SPATA45: variants seen among roughly 807,000 people sequenced by gnomAD.
The protein encoded by SPATA45 is spermatogenesis-associated protein 45.
SPATA45 carries 5 observed loss-of-function variants against 7.0 expected under a neutral mutation model. That is an observed-to-expected ratio of 0.71 (90% CI 0.37 to 1.50). The LOEUF (loss-of-function observed/expected upper bound fraction) is 1.50, where lower values mean the gene tolerates loss of function less well. SPATA45 is among the 40% of genes most tolerant of loss of function. SPATA45 has a pLI of 0.03. For missense variants in SPATA45, 111 were observed against 114.9 expected, an observed-to-expected ratio of 0.97 and a Z score of 0.16; for synonymous variants, 40 against 38.7, an observed-to-expected ratio of 1.03 and a Z score of -0.13.
chr1:212,843,116 C>CACACAA (rs1343720054), intron 1 of SPATA45, among the ~76,000 whole-genome samples: 2 of 147,824 alleles, frequency 1.4e-5, no homozygotes, highest in Non-Finnish European at 3.0e-5. Flanking sequence ...CACACACACA[C>CACACAA]ACACACACAC....
intron 1 of SPATA45, among the ~76,000 whole-genome samples, chr1:212,836,763 C>A (rs1267461334): frequency 2.0e-5 from 3 of 151,480 alleles, no homozygotes; most frequent in Non-Finnish European, 4.4e-5. Flanking sequence ...ATTCTCCTGC[C>A]TCAGCTTCCT....
rs750269718 is a variant in SPATA45, at chr1:212,836,186, T to C, written c.-37A>G. 8.5e-6 allele frequency: 13 copies of C among 1,532,162 alleles called. No individual in the cohort carries two copies. The highest frequency in any genetic ancestry group is 1.7e-4 in the Middle Eastern group (1 of 5,720). 94.9% of individuals were successfully genotyped at this position (1,532,162 alleles called of 1,614,324 possible). On this transcript the variant is annotated splice_region_variant and 5_prime_UTR_variant, in exon 2 of 3. Coordinates refer to ENST00000332912, the MANE Select transcript of SPATA45 (RefSeq NM_001024601.3). ...ACCAATTGTCAAGTGATTCTTGCTG[T>C]CCTACAAACAAATGAAAAAATACTT...
intron 1 of SPATA45, among the ~76,000 whole-genome samples, chr1:212,844,798 T>C (rs900074129): frequency 1.3e-5 from 2 of 152,194 alleles, no homozygotes; most frequent in Non-Finnish European, 2.9e-5. Flanking sequence ...GTATCCTCTA[T>C]CATTAATACT....
intron 2 of SPATA45, among the ~76,000 whole-genome samples, chr1:212,831,166 AG>A (rs1311248022): frequency 6.7e-6 from 1 of 149,910 alleles, no homozygotes; most frequent in Non-Finnish European, 1.5e-5. Flanking sequence ...AAAAAAAAAA[AG>A]AAAGAAAGAA....
rs10864004 is a variant in SPATA45 at position 212,836,127 on chromosome 1, A to G, written c.23T>C (p.Ile8Thr). ...TACTCCATGTTTTTTCATTATTTCA[A>G]TGGTTCTGTTTATAGATGCCATTAT... MASINRTIEIMKKHGVSK... is the reference protein window; with the variant it reads MASINRTTEIMKKHGVSK... The change falls in exon 2 of 3, where the codon ATT (isoleucine) becomes ACT (threonine). Residue 8 changes from isoleucine (I) to threonine (T), a missense_variant. Transcript: ENST00000332912. 0.7 allele frequency: 1,123,704 copies of G among 1,604,432 alleles called. 408,283 individuals carry two copies. The highest frequency in any genetic ancestry group is 0.79 in the African/African-American group (58,677 of 74,716).
chr1:212,844,523 A>C (rs906316982), intron 1 of SPATA45, among the ~76,000 whole-genome samples: 2 of 152,004 alleles, frequency 1.3e-5, no homozygotes, highest in African/African-American at 4.8e-5. Flanking sequence ...CACCCTGATC[A>C]CACTATTGAT....
chr1:212,830,224 T>G lies in SPATA45; in HGVS notation c.*18A>C, dbSNP rs561990635. ...GAATCAAAGAGAATGTATTTCCGTGTGTCTCTGGAGATGCACTTTATCCAA... is the reference window on the plus strand; with the variant it reads ...GAATCAAAGAGAATGTATTTCCGTGGGTCTCTGGAGATGCACTTTATCCAA... On this transcript the variant is annotated 3_prime_UTR_variant, in exon 3 of 3. Transcript: ENST00000332912. 2.0e-6 allele frequency: 3 copies of G among 1,513,248 alleles called. No homozygotes were observed. In the African/African-American group the frequency reaches 4.1e-5, roughly 21 times the overall value. 93.7% of individuals were successfully genotyped at this position (1,513,248 alleles called of 1,614,324 possible).
intron 2 of SPATA45, 56 bp from the exon 3 acceptor site, chr1:212,830,317 GT>G: frequency 1.8e-6 from 2 of 1,098,060 alleles, no homozygotes; most frequent in South Asian, 1.4e-5. Flanking sequence ...ACATTTCATG[GT>G]TTTTAAAATA....
rs564321664 is a variant in SPATA45 at position 212,833,120 on chromosome 1, T to G, written c.277+2753A>C. 1.2e-3 allele frequency among the ~76,000 whole-genome samples: 187 copies of G among 151,704 alleles called. 4 individuals are homozygous for G. In the Middle Eastern group the frequency reaches 0.02, roughly 17 times the overall value. On this transcript the variant is annotated intron_variant, in intron 2 of 2. Transcript: ENST00000332912. ...GTTTATTTTTAATTTCAGTAGTTTT[T>G]GGGGTAAAGGTAGGTTTTGGTTACA...
intron 1 of SPATA45, among the ~76,000 whole-genome samples, chr1:212,839,129 T>TTATATA (rs71147035): frequency 6.9e-6 from 1 of 144,542 alleles, no homozygotes; most frequent in Non-Finnish European, 1.5e-5. Flanking sequence ...TTTATATATA[T>TTATATA]TATATATATA....
chr1:212,831,921 C>T (rs1663495852), intron 2 of SPATA45, among the ~76,000 whole-genome samples: 1 of 151,050 alleles, frequency 6.6e-6, no homozygotes, highest in Non-Finnish European at 1.5e-5. Context: ...CAGCAATACA[C>T]CCTCCATCCA....
intron 2 of SPATA45, among the ~76,000 whole-genome samples, chr1:212,834,891 TG>T (rs1663561599): frequency 6.6e-6 from 1 of 151,684 alleles, no homozygotes; most frequent in Non-Finnish European, 1.5e-5. Flanking sequence ...TGTGGTCTAT[TG>T]TAACTATTAT....
chr1:212,835,311 G>A (rs1663567256), intron 2 of SPATA45, among the ~76,000 whole-genome samples: 1 of 151,512 alleles, frequency 6.6e-6, no homozygotes, highest in Admixed American at 6.6e-5. Flanking sequence ...ATTACCTGAC[G>A]TTGGGAGTTC....
intron 2 of SPATA45, among the ~76,000 whole-genome samples, chr1:212,831,042 G>A (rs1303597802): frequency 6.6e-6 from 1 of 151,322 alleles, no homozygotes; most frequent in East Asian, 1.9e-4. Flanking sequence ...TGGAGGCTGA[G>A]GCAGGAGAAT....
At chr1:212,844,749 G>A (rs1663758807) in intron 1 of SPATA45, among the ~76,000 whole-genome samples, 1 of 152,096 alleles carries the variant, frequency 6.6e-6, no homozygotes. Flanking sequence ...GCACCACCAT[G>A]CTGTTATATG....
At chr1:212,847,455 A>C (rs1361880356) in intron 1 of SPATA45, 125 bp downstream of exon 1, 2 of 152,172 alleles carry the variant, frequency 1.3e-5, no homozygotes, top group African/African-American at 4.8e-5. Flanking sequence ...TTCTAGGAGC[A>C]ATGGTTCAGT....
At chr1:212,833,713 G>A (rs1020517975) in intron 2 of SPATA45, among the ~76,000 whole-genome samples, 2 of 151,586 alleles carry the variant, frequency 1.3e-5, no homozygotes, top group Admixed American at 6.6e-5. Context: ...TTAAGGAAAT[G>A]TTGTGGCTGG....
At chr1:212,844,767 A>G (rs547878912) in intron 1 of SPATA45, among the ~76,000 whole-genome samples, 39 of 152,300 alleles carry the variant, frequency 2.6e-4, no homozygotes, top group African/African-American at 8.9e-4. Flanking sequence ...ATGGGCTGAA[A>G]GAGGTTTCCT....
intron 1 of SPATA45, among the ~76,000 whole-genome samples, chr1:212,841,678 G>A (rs56168562): frequency 0.24 from 33,030 of 138,736 alleles, 5,382 homozygotes; most frequent in African/African-American, 0.48. Flanking sequence ...TCGCTCTGTC[G>A]CCCAGGCTGG....
Sources: gnomAD v4.1 joint callset for allele counts (sites outside exome capture counted in the v4.1 genomes callset) on GRCh38, gnomAD v4.1.1 for gene constraint, MANE v1.5 for transcripts, NCBI Gene and HGNC (gene_info 2026-07-23, HGNC 2026-07-21) for gene names.